Variants in STK3 observed in about 807,000 individuals in gnomAD.
STK3 encodes the protein serine/threonine-protein kinase 3.
In STK3, 41 loss-of-function variants were observed where a neutral mutation model predicts 58.0. The observed-to-expected ratio is 0.71, with a 90% CI of 0.55 to 0.92. The LOEUF is 0.92. Among genes scored for constraint, STK3 ranks in the 40% least tolerant of loss-of-function variants. The pLI, the probability that STK3 is intolerant of heterozygous loss-of-function variation, is 0.00. For synonymous variants in STK3, 170 were observed against 191.0 expected, an observed-to-expected ratio of 0.89 and a Z score of 0.91; for missense variants, 479 against 602.7, an observed-to-expected ratio of 0.79 and a Z score of 2.15.
intron 8 of STK3, among the ~76,000 whole-genome samples, chr8:98,577,389 A>C (rs1374944761): frequency 6.6e-6 from 1 of 152,208 alleles, no homozygotes; most frequent in Non-Finnish European, 1.5e-5. Context: ...CAGGAGGCTG[A>C]GGCAGGAGAA....
At chr8:98,740,773 T>C (rs1829133363) in intron 4 of STK3, among the ~76,000 whole-genome samples, 1 of 152,184 alleles carries the variant, frequency 6.6e-6, no homozygotes. Context: ...ATGGACTAAA[T>C]GCTCCAATTA....
At chr8:98,492,104 GTTA>G (rs555960678) in intron 10 of STK3, among the ~76,000 whole-genome samples, 397 of 152,278 alleles carry the variant, frequency 2.6e-3, no homozygotes, top group Non-Finnish European at 4.8e-3. Context: ...TCATTCGTTT[GTTA>G]TTATTAAATT....
At chr8:98,693,730 C>T (rs918065427) in intron 6 of STK3, among the ~76,000 whole-genome samples, 1 of 152,154 alleles carries the variant, frequency 6.6e-6, no homozygotes, top group Non-Finnish European at 1.5e-5. Flanking sequence ...AAGGTATCTA[C>T]AAATACCTAC....
intron 6 of STK3, among the ~76,000 whole-genome samples, chr8:98,621,669 T>C (rs1818336181): frequency 6.6e-6 from 1 of 152,192 alleles, no homozygotes; most frequent in Non-Finnish European, 1.5e-5. Flanking sequence ...TTCTTTAGTC[T>C]GTTAATATGG....
chr8:98,824,391 A>G (rs904534230), intron 1 of STK3, among the ~76,000 whole-genome samples: 3 of 152,220 alleles, frequency 2.0e-5, no homozygotes, highest in African/African-American at 7.2e-5. Context: ...CTGCACTTCA[A>G]TTCAGAGTTG....
chr8:98,861,344 ATTTTTTTTT>A (rs772895902), intron 3 of STK3, among the ~76,000 whole-genome samples: 1 of 85,922 alleles, frequency 1.2e-5, no homozygotes, highest in Non-Finnish European at 2.3e-5. Context: ...GTTTCTTTGG[ATTTTTTTTT>A]TTTTTTTTTT....
intron 1 of STK3, among the ~76,000 whole-genome samples, chr8:98,383,476 G>A (rs1275150667): frequency 2.0e-5 from 3 of 152,222 alleles, no homozygotes; most frequent in African/African-American, 4.8e-5. Flanking sequence ...TCCAACCTTC[G>A]AGCTGATTTT....
intron 1 of STK3, among the ~76,000 whole-genome samples, chr8:98,790,628 A>T (rs764292437): frequency 7.9e-5 from 12 of 152,210 alleles, no homozygotes; most frequent in Non-Finnish European, 1.2e-4. Context: ...GCCCACTCTC[A>T]CCACTCCTCT....
chr8:98,656,391 C>T (rs555275829), intron 6 of STK3, among the ~76,000 whole-genome samples: 12 of 151,754 alleles, frequency 7.9e-5, no homozygotes, highest in Admixed American at 4.6e-4. Context: ...TGCTAAATGA[C>T]GAGTTAATGG....
rs543828066 is a variant in STK3 at position 98,656,466 on chromosome 8, C to T, written c.684+50001G>A. Among the ~76,000 whole-genome samples the T allele has an allele frequency of 3.2e-4, 48 of 150,306 alleles. 1 individual carries two copies. The highest frequency in any genetic ancestry group is 3.0e-3 in the Admixed American group (44 of 14,602). Reference sequence around the variant, plus strand: ...TAACCTGCACATTGTGCACATGTACCCTAAAACTTAAAGTATAATAAAAAA... The same window carrying T: ...TAACCTGCACATTGTGCACATGTACTCTAAAACTTAAAGTATAATAAAAAA... On this transcript the variant is annotated intron_variant, in intron 6 of 10. Coordinates refer to ENST00000419617, the MANE Select transcript of STK3 (RefSeq NM_006281.4).
chr8:98,594,054 T>G (rs1815584385), intron 7 of STK3, among the ~76,000 whole-genome samples: 1 of 152,164 alleles, frequency 6.6e-6, no homozygotes, highest in Non-Finnish European at 1.5e-5. Flanking sequence ...ACGCCTATAA[T>G]CCCAGGAATT....
intron 4 of STK3, among the ~76,000 whole-genome samples, chr8:98,740,119 T>C (rs1829057371): frequency 6.6e-6 from 1 of 152,214 alleles, no homozygotes; most frequent in Non-Finnish European, 1.5e-5. Flanking sequence ...TTCGTCTCAC[T>C]GGTGTACCTG....
At chr8:98,439,209 A>G (rs1466330433) in intron 1 of STK3, 2 of 152,188 alleles carry the variant, frequency 1.3e-5, no homozygotes, top group South Asian at 4.1e-4. Flanking sequence ...CCAGTGCCCA[A>G]TACAATGCCT....
intron 3 of STK3, among the ~76,000 whole-genome samples, chr8:98,869,345 C>T (rs1025409802): frequency 1.3e-5 from 2 of 151,912 alleles, no homozygotes; most frequent in African/African-American, 4.8e-5. Context: ...CGCTTGAGCC[C>T]GGGAGGCAGA....
intron 2 of STK3, among the ~76,000 whole-genome samples, chr8:98,435,521 C>T (rs973676980): frequency 2.6e-5 from 4 of 151,160 alleles, no homozygotes; most frequent in Non-Finnish European, 5.9e-5. Flanking sequence ...GGACAGGTGG[C>T]TGATTTGAGG....
intron 8 of STK3, among the ~76,000 whole-genome samples, chr8:98,554,885 GT>G (rs1037274456): frequency 6.6e-6 from 1 of 151,980 alleles, no homozygotes; most frequent in African/African-American, 2.4e-5. Context: ...AAACATTTAT[GT>G]TTTTTCAAAA....
intron 6 of STK3, among the ~76,000 whole-genome samples, chr8:98,700,283 C>G (rs1825448115): frequency 6.6e-6 from 1 of 152,230 alleles, no homozygotes; most frequent in Non-Finnish European, 1.5e-5. Flanking sequence ...CTTTCTTTGA[C>G]TAGGAAAGGG....
At chr8:98,643,059 AC>A (rs1208162235) in intron 6 of STK3, among the ~76,000 whole-genome samples, 3 of 152,136 alleles carry the variant, frequency 2.0e-5, no homozygotes, top group African/African-American at 2.4e-5. Flanking sequence ...CCTCACCTCT[AC>A]AAAAATATTT....
intron 3 of STK3, among the ~76,000 whole-genome samples, chr8:98,858,323 TAG>T (rs1554691273): frequency 4.9e-3 from 79 of 16,262 alleles, no homozygotes; most frequent in East Asian, 0.013. Flanking sequence ...TATATATATA[TAG>T]AGAGAGAGAG....
Sources: allele counts gnomAD v4.1 joint callset (sites outside exome capture counted in the v4.1 genomes callset), GRCh38; gene constraint gnomAD v4.1.1; transcripts MANE v1.5; gene names NCBI Gene and HGNC (gene_info 2026-07-23, HGNC 2026-07-21).